Variants in CDKL5 observed in about 807,000 individuals in gnomAD.
The protein encoded by CDKL5 is cyclin-dependent kinase-like 5.
CDKL5 carries 8 observed loss-of-function variants against 61.7 expected under a neutral mutation model. The observed-to-expected ratio is 0.13, with a 90% confidence interval of 0.08 to 0.23. CDKL5 has a LOEUF of 0.23. CDKL5 is among the 10% of genes least tolerant of loss of function. The probability of loss-of-function intolerance (pLI) is 1.00; values close to 1 mark genes in which losing one functional copy is unlikely to be tolerated. For missense variants in CDKL5, 440 were observed against 734.5 expected (o/e 0.60, Z 4.63); for synonymous variants, 275 against 272.3 (o/e 1.01, Z -0.10).
Position 18,495,234 on chromosome X carries a change from A to G in CDKL5, c.-162-11701A>G, listed in dbSNP as rs185661036. Among the ~76,000 whole-genome samples the G allele has an allele frequency of 1.0e-3, 115 of 112,283 alleles. 3 individuals are homozygous for G. In the East Asian group the frequency reaches 0.025, roughly 25 times the overall value. On this transcript the variant is annotated intron_variant, in intron 1 of 17. Transcript: ENST00000623535. ...AAACTCATGATTCAACTGATTTTGTACTCTCTTTGGGAAGAAGAAAAGACC... is the reference window on the plus strand; with the variant it reads ...AAACTCATGATTCAACTGATTTTGTGCTCTCTTTGGGAAGAAGAAAAGACC...
intron 20 of CDKL5, chrX:18,647,474 T>C (rs1203647185): frequency 3.4e-6 from 2 of 583,265 alleles, no homozygotes; most frequent in Admixed American, 2.7e-5. Context: ...TCACAATGGG[T>C]ACAGCTGTGT....
chrX:18,506,766 T>A (rs188281688), intron 1 of CDKL5, among the ~76,000 whole-genome samples, 169 bp from the exon 2 acceptor site: 99 of 112,417 alleles, frequency 8.8e-4, no homozygotes, highest in African/African-American at 3.2e-3. Flanking sequence ...TTTGTTTGTA[T>A]TCATTCCATT....
chrX:18,443,132 C>T (rs1283984728), intron 1 of CDKL5, among the ~76,000 whole-genome samples: 1 of 111,841 alleles, frequency 8.9e-6, no homozygotes, highest in Non-Finnish European at 1.9e-5. Context: ...CACTCCATTT[C>T]TTCCTTCTTG....
chrX:18,524,834 G>A (rs991273101), intron 3 of CDKL5, among the ~76,000 whole-genome samples: 2 of 112,200 alleles, frequency 1.8e-5, no homozygotes, highest in African/African-American at 6.5e-5. Context: ...ATCTAGCACC[G>A]TTTGTTGAAA....
At chrX:18,452,676 G>T (rs962036249) in intron 1 of CDKL5, among the ~76,000 whole-genome samples, 11 of 109,828 alleles carry the variant, frequency 1.0e-4, no homozygotes, top group African/African-American at 3.6e-4. Context: ...TCAAGTGTAT[G>T]GTTCTCTAGT....
chrX:18,568,991 T>C (rs781385671), intron 4 of CDKL5, among the ~76,000 whole-genome samples: 47 of 111,800 alleles, frequency 4.2e-4, no homozygotes, highest in African/African-American at 1.5e-3. Flanking sequence ...CACCAAGCCT[T>C]GCCTTTTCGA....
chrX:18,650,609 G>C (rs745659914), intron 21 of CDKL5: 2 of 1,207,623 alleles, frequency 1.7e-6, no homozygotes, highest in African/African-American at 3.5e-5. Context: ...AGAGACTCTA[G>C]ACCGGTGGGG....
intron 1 of CDKL5, among the ~76,000 whole-genome samples, chrX:18,444,490 A>ATG (rs2147628043): frequency 8.9e-6 from 1 of 111,877 alleles, no homozygotes; most frequent in South Asian, 3.7e-4. Flanking sequence ...ACATATATAT[A>ATG]CATGTTTTAA....
intron 1 of CDKL5, among the ~76,000 whole-genome samples, chrX:18,455,952 A>G (rs1358501580): frequency 1.8e-5 from 2 of 112,034 alleles, no homozygotes; most frequent in Non-Finnish European, 3.8e-5. Flanking sequence ...ACTTTTGTAT[A>G]CAACATCTGA....
At chrX:18,569,490 G>T (rs1269178488) in intron 4 of CDKL5, among the ~76,000 whole-genome samples, 1 of 111,844 alleles carries the variant, frequency 8.9e-6, no homozygotes, top group Non-Finnish European at 1.9e-5. Context: ...ATTTAGTCCA[G>T]TTCTTCTACC....
At chrX:18,438,017 A>G (rs757662795) in intron 1 of CDKL5, among the ~76,000 whole-genome samples, 1 of 112,161 alleles carries the variant, frequency 8.9e-6, no homozygotes, top group East Asian at 2.8e-4. Flanking sequence ...GGAAATCTAC[A>G]TAGTGATTCA....
At chrX:18,591,971 A>G (rs1925846839) in intron 9 of CDKL5, among the ~76,000 whole-genome samples, 1 of 112,467 alleles carries the variant, frequency 8.9e-6, no homozygotes, top group South Asian at 3.6e-4. Context: ...TATGTTCACC[A>G]TTATATTTGC....
chrX:18,557,866 T>C (rs765591022), intron 3 of CDKL5, among the ~76,000 whole-genome samples: 1 of 112,129 alleles, frequency 8.9e-6, no homozygotes, highest in African/African-American at 3.2e-5. Flanking sequence ...CTCTAGTGAT[T>C]GAGGCTTGAT....
In CDKL5 at chrX:18,636,336, T is replaced by TTTATTATTA. The variant is rs201239931; in HGVS notation, c.*7618_*7626dup. 2.3e-3 allele frequency: 219 copies of TTTATTATTA among 94,004 alleles called. 3 individuals carry two copies. The highest frequency in any genetic ancestry group is 7.1e-3 in the East Asian group (21 of 2,966). The allele number at this position is 94,004 out of a possible 1,213,427, so 7.7% of individuals were successfully genotyped here. The stretch of plus-strand genomic sequence containing the variant: ...CAGGCACAATGCCCAAGTGTTTTGC[T>TTTATTATTA]TTATTATTATTATTATTATTATTAT... On this transcript the variant is annotated 3_prime_UTR_variant, in exon 18 of 18. Transcript: ENST00000623535.
chrX:18,458,245 C>A (rs1253290394), intron 1 of CDKL5, among the ~76,000 whole-genome samples: 1 of 110,046 alleles, frequency 9.1e-6, no homozygotes, highest in East Asian at 2.9e-4. Context: ...TTTATTCCCC[C>A]TTCAAGAGCT....
rs199988395 is a variant in CDKL5, at chrX:18,575,524, C to T, written c.282+34C>T. The T allele has an allele frequency of 1.4e-4, 164 of 1,163,118 alleles. 1 individual carries two copies. The highest frequency in any genetic ancestry group is 1.7e-4 in the Non-Finnish European group (142 of 853,493). ...TTAATTGCCAATGTGCACATTTGCCCGATTCTTTTATTTAAGGCTGTTTCT... is the reference window on the plus strand; with the variant it reads ...TTAATTGCCAATGTGCACATTTGCCTGATTCTTTTATTTAAGGCTGTTTCT... On this transcript the variant is annotated intron_variant, in intron 5 of 17. Coordinates refer to ENST00000623535, the MANE Select transcript of CDKL5 (RefSeq NM_001323289.2).
chrX:18,489,149 C>T (rs748065233), intron 1 of CDKL5, among the ~76,000 whole-genome samples: 23 of 109,961 alleles, frequency 2.1e-4, no homozygotes, highest in East Asian at 8.6e-4. Flanking sequence ...ACAAAGTCTC[C>T]GCTCTGTCAC....
chrX:18,494,250 T>A (rs1922089297), intron 1 of CDKL5, among the ~76,000 whole-genome samples: 1 of 110,736 alleles, frequency 9.0e-6, no homozygotes, highest in Admixed American at 9.6e-5. Flanking sequence ...TCTTTTTCTT[T>A]CTTTCTTTTT....
At chrX:18,527,359 A>G (rs1232007858) in intron 3 of CDKL5, among the ~76,000 whole-genome samples, 1 of 111,884 alleles carries the variant, frequency 8.9e-6, no homozygotes, top group African/African-American at 3.2e-5. Flanking sequence ...CAGTGAAACC[A>G]TGTGAGAATG....
Sources: gnomAD v4.1 joint callset for allele counts (sites outside exome capture counted in the v4.1 genomes callset) on GRCh38, gnomAD v4.1.1 for gene constraint, MANE v1.5 for transcripts, NCBI Gene and HGNC (gene_info 2026-07-23, HGNC 2026-07-21) for gene names.